Variants in NARF observed in about 807,000 individuals in gnomAD.
NARF encodes the protein nuclear prelamin A recognition factor, also known as iron-only hydrogenase-like protein 2.
Under a neutral mutation model 48.0 loss-of-function variants are expected in NARF, and 41 were observed. The ratio of observed to expected loss-of-function variants is 0.85; its 90% CI spans 0.66 to 1.11. The LOEUF (loss-of-function observed/expected upper bound fraction) is 1.11. NARF is among the 50% of genes least tolerant of loss of function. The pLI, the probability that NARF is intolerant of heterozygous loss-of-function variation, is 0.00. For missense variants in NARF, 613 were observed against 590.2 expected, an observed-to-expected ratio of 1.04 and a Z score of -0.40; for synonymous variants, 215 against 225.5, an observed-to-expected ratio of 0.95 and a Z score of 0.42.
At chr17:82,480,745 A>G in intron 6 of NARF, 1 of 475,000 alleles carries the variant, frequency 2.1e-6, no homozygotes, top group East Asian at 3.3e-5. Context: ...CAGCCTGGGC[A>G]ACACGGTGAA....
intron 5 of NARF, 64 bp from the exon 6 acceptor site, chr17:82,478,736 G>A (rs1215965877): frequency 1.3e-6 from 2 of 1,484,642 alleles, no homozygotes; most frequent in Non-Finnish European, 1.9e-6. Flanking sequence ...AGCATTCCCT[G>A]GTGCGTTACA....
chr17:82,458,507 C>T, upstream of NARF: 1 of 373,608 alleles, frequency 2.7e-6, no homozygotes, highest in Admixed American at 4.7e-5. Context: ...CCCCCCGGCG[C>T]CGTACGTGGA....
intron 4 of NARF, among the ~76,000 whole-genome samples, chr17:82,471,805 A>AAAG (rs1476177962): frequency 1.3e-5 from 2 of 148,548 alleles, no homozygotes; most frequent in African/African-American, 5.0e-5. Flanking sequence ...AAAAAAAAAA[A>AAAG]AAGTATGCCC....
chr17:82,477,253 C>T (rs2043854018), intron 5 of NARF: 1 of 151,786 alleles, frequency 6.6e-6, no homozygotes, highest in Non-Finnish European at 1.5e-5. Flanking sequence ...CCTGTAATCC[C>T]AGCATTTTGG....
In NARF at chr17:82,485,850, C is replaced by T. The variant is rs377195116; in HGVS notation, c.1129+196C>T. Among the ~76,000 whole-genome samples the T allele has an allele frequency of 1.2e-4, 18 of 152,348 alleles. 1 individual carries two copies. In the East Asian group the frequency reaches 2.7e-3, roughly 23 times the overall value. On this transcript the variant is annotated intron_variant, in intron 10 of 10. Coordinates refer to ENST00000309794, the MANE Select transcript of NARF (RefSeq NM_012336.4). ...TCCATTGGTTTTGCTCTTTTCCTCA[C>T]CCCATGTAGCATGTGGGCATTCTCT...
chr17:82,463,964 G>A (rs2143831727), intron 2 of NARF: 1 of 250,902 alleles, frequency 4.0e-6, no homozygotes. Context: ...GGAGGAAGGG[G>A]TCTAGCAGTG....
At chr17:82,477,622 C>T (rs1452192776) in intron 5 of NARF, 1 of 152,254 alleles carries the variant, frequency 6.6e-6, no homozygotes, top group Non-Finnish European at 1.5e-5. Flanking sequence ...CAAAGCCATC[C>T]TCCTGCCTCA....
At position 82,459,300 on chromosome 17, in the gene NARF, C is replaced by T. The variant is rs566623905; in HGVS notation, c.27+470C>T. 41 of 513,126 alleles carry T rather than the reference C, an allele frequency of 8.0e-5. 1 individual carries two copies. The African/African-American group carries it at 8.1e-4, about 10-fold the overall frequency. The allele number at this position is 513,126 out of a possible 1,614,324, so 31.8% of individuals were successfully genotyped here. ...GCCATGGCAACAACCGCGCAGCGCACGCAGGGGGGTTTTGTAGCTGTTATT... is the reference window on the plus strand; with the variant it reads ...GCCATGGCAACAACCGCGCAGCGCATGCAGGGGGGTTTTGTAGCTGTTATT... On this transcript the variant is annotated intron_variant, in intron 1 of 10. Transcript: ENST00000309794.
intron 2 of NARF, chr17:82,463,271 GTTAT>G (rs1342999079): frequency 6.6e-6 from 1 of 152,170 alleles, no homozygotes; most frequent in African/African-American, 2.4e-5. Flanking sequence ...TCATCCACCA[GTTAT>G]TTATTGAGCA....
In NARF at chr17:82,488,091, A is replaced by G. The variant is rs753412649; in HGVS notation, c.1305A>G (p.Arg435=). The G allele has an allele frequency of 6.2e-7, 1 of 1,614,012 alleles. No homozygotes were observed. Among genetic ancestry groups the G allele is most frequent in the Non-Finnish European group, 8.5e-7 (1 of 1,180,026 alleles). The change falls in exon 11 of 11, where the codon CGA becomes CGG. Residue 435 remains arginine, a synonymous_variant. Coordinates refer to ENST00000309794, the MANE Select transcript of NARF (RefSeq NM_012336.4). ...AGGGGATCAACTCCCCCAAGGCCCG[A>G]GAGGTGCTGCATACCACGTACCAGA... ...WLEGINSPKA[R]EVLHTTYQSQ...
At chr17:82,474,455 A>C (rs995027463) in intron 5 of NARF, among the ~76,000 whole-genome samples, 1 of 152,166 alleles carries the variant, frequency 6.6e-6, no homozygotes, top group Non-Finnish European at 1.5e-5. Context: ...TCGATGATGC[A>C]TAAGGGAATA....
chr17:82,458,466 C>T (rs1313454661), upstream of NARF: 5 of 296,090 alleles, frequency 1.7e-5, 1 homozygote, highest in Admixed American at 1.6e-4. Context: ...GCAGGACCCA[C>T]GAGAAGCGGA....
Position 82,465,580 on chromosome 17 carries a change from A to G in NARF, c.252+1150A>G, listed in dbSNP as rs182640291. On this transcript the variant is annotated intron_variant, in intron 3 of 10. Transcript: ENST00000309794. ...GTCATCCAGCAGCAATTAGATCACA[A>G]TATTTTTCTTTGTGAGACAGGGCCT... is the stretch of plus-strand genomic sequence containing the variant. Among the ~76,000 whole-genome samples, 18 of 152,094 alleles carry G rather than the reference A, an allele frequency of 1.2e-4. No individual in the cohort carries two copies. The East Asian group carries it at 3.1e-3, about 26-fold the overall frequency.
intron 8 of NARF, chr17:82,484,013 G>A (rs2044035832): frequency 5.7e-6 from 3 of 527,346 alleles, no homozygotes; most frequent in Admixed American, 3.5e-5. Context: ...TGGTGTGATT[G>A]CCACCCTAAA....
At chr17:82,462,991 C>G (rs886090690) in intron 2 of NARF, 2 of 152,128 alleles carry the variant, frequency 1.3e-5, no homozygotes, top group African/African-American at 4.8e-5. Context: ...AGCACAAACT[C>G]TTGAGCCCCA....
chr17:82,458,868 T>G (rs2043354604), intron 1 of NARF, 38 bp downstream of exon 1: 1 of 1,380,406 alleles, frequency 7.2e-7, no homozygotes, highest in East Asian at 2.8e-5. Context: ...CGCCTGGTGC[T>G]TGTCCTGTGG....
chr17:82,486,954 T>C (rs1381290393), intron 10 of NARF, among the ~76,000 whole-genome samples: 1 of 152,208 alleles, frequency 6.6e-6, no homozygotes, highest in Non-Finnish European at 1.5e-5. Context: ...ATGGCTGGGC[T>C]CACAGCTTAG....
chr17:82,486,887 A>G (rs1356148269), intron 10 of NARF, among the ~76,000 whole-genome samples: 1 of 152,240 alleles, frequency 6.6e-6, no homozygotes, highest in Non-Finnish European at 1.5e-5. Context: ...GAGAGTAAGT[A>G]GCATTAATAG....
chr17:82,458,928 C>T, intron 1 of NARF, 98 bp downstream of exon 1: 3 of 1,245,288 alleles, frequency 2.4e-6, no homozygotes, highest in Non-Finnish European at 1.0e-6. Flanking sequence ...TCGCTCGCTT[C>T]AGGGCTCTTC....
Sources: gnomAD v4.1 joint callset for allele counts (sites outside exome capture counted in the v4.1 genomes callset) on GRCh38, gnomAD v4.1.1 for gene constraint, MANE v1.5 for transcripts, NCBI Gene and HGNC (gene_info 2026-07-23, HGNC 2026-07-21) for gene names.